The following PRKAR2B variants were observed in gnomAD, a reference collection of about 807,000 sequenced individuals.
PRKAR2B encodes protein kinase cAMP-dependent type II regulatory subunit beta.
PRKAR2B carries 14 observed loss-of-function variants against 49.9 expected under a neutral mutation model. That is an observed-to-expected ratio of 0.28 (90% CI 0.19 to 0.44). PRKAR2B has a LOEUF of 0.44. Among genes scored for constraint, PRKAR2B ranks in the 20% least tolerant of loss-of-function variants. The pLI is 1.00. For missense variants in PRKAR2B, 393 were observed against 537.9 expected (o/e 0.73, Z 2.67); for synonymous variants, 196 against 197.7 (o/e 0.99, Z 0.07).
intron 1 of PRKAR2B, among the ~76,000 whole-genome samples, chr7:107,060,559 A>T (rs1035121312): frequency 1.3e-5 from 2 of 151,958 alleles, no homozygotes; most frequent in African/African-American, 4.8e-5. Context: ...CATTTTTCCC[A>T]TCTGGCTGAT....
At chr7:107,072,400 C>G (rs1381713161) in intron 2 of PRKAR2B, among the ~76,000 whole-genome samples, 2 of 152,030 alleles carry the variant, frequency 1.3e-5, no homozygotes, top group Admixed American at 1.3e-4. Flanking sequence ...TATGGAGTAC[C>G]ACTGATGGAT....
chr7:107,114,101 T>G (rs1038864156), intron 2 of PRKAR2B, among the ~76,000 whole-genome samples: 1 of 152,186 alleles, frequency 6.6e-6, no homozygotes, highest in Non-Finnish European at 1.5e-5. Flanking sequence ...GAATGCATAC[T>G]TGTAGAGCAT....
intron 2 of PRKAR2B, among the ~76,000 whole-genome samples, chr7:107,109,225 G>C (rs1332943717): frequency 6.6e-6 from 1 of 151,860 alleles, no homozygotes; most frequent in Non-Finnish European, 1.5e-5. Flanking sequence ...GGTTTGGGCT[G>C]GTCTCTTTAC....
At chr7:107,146,216 G>C in intron 5 of PRKAR2B, 92 bp from the exon 6 acceptor site, 1 of 1,314,148 alleles carries the variant, frequency 7.6e-7, no homozygotes, top group Non-Finnish European at 1.0e-6. Context: ...CTGGAAATAA[G>C]ATTTTTATTT....
intron 7 of PRKAR2B, among the ~76,000 whole-genome samples, chr7:107,152,481 T>C (rs565878609): frequency 1.3e-5 from 2 of 152,318 alleles, no homozygotes; most frequent in Admixed American, 1.3e-4. Context: ...TAGGTTTTTA[T>C]CTTTGAAGGT....
At chr7:107,071,156 C>CT (rs1387938346) in intron 2 of PRKAR2B, among the ~76,000 whole-genome samples, 1 of 152,138 alleles carries the variant, frequency 6.6e-6, no homozygotes, top group African/African-American at 2.4e-5. Flanking sequence ...GAAAATTACT[C>CT]TTTAAGTATA....
At chr7:107,113,438 A>G (rs957328579) in intron 2 of PRKAR2B, among the ~76,000 whole-genome samples, 1 of 152,202 alleles carries the variant, frequency 6.6e-6, no homozygotes, top group African/African-American at 2.4e-5. Context: ...ATGTTCATCA[A>G]CTGCAATGCT....
chr7:107,068,087 A>G (rs1441014731), intron 1 of PRKAR2B, among the ~76,000 whole-genome samples: 4 of 152,182 alleles, frequency 2.6e-5, no homozygotes, highest in Non-Finnish European at 4.4e-5. Context: ...TACCGTGACA[A>G]TCAAAATTGC....
intron 2 of PRKAR2B, among the ~76,000 whole-genome samples, chr7:107,111,776 C>G (rs1362756179): frequency 6.6e-6 from 1 of 151,840 alleles, no homozygotes; most frequent in Admixed American, 6.6e-5. Flanking sequence ...TGAAGAATTT[C>G]AAGACTTTTA....
At chr7:107,096,959 T>C (rs1418989233) in intron 2 of PRKAR2B, among the ~76,000 whole-genome samples, 1 of 152,224 alleles carries the variant, frequency 6.6e-6, no homozygotes, top group Non-Finnish European at 1.5e-5. Context: ...TTAAGTGTGA[T>C]GTGGTGCTGA....
At chr7:107,119,603 C>T (rs2237653) in intron 2 of PRKAR2B, among the ~76,000 whole-genome samples, 18,271 of 152,202 alleles carry the variant, frequency 0.12, 1,297 homozygotes, top group African/African-American at 0.19. Flanking sequence ...GTCCCAGACA[C>T]ATTGGCAGGG....
chr7:107,045,573 C>T (rs913272487), intron 1 of PRKAR2B, among the ~76,000 whole-genome samples: 1 of 152,164 alleles, frequency 6.6e-6, no homozygotes, highest in African/African-American at 2.4e-5. Flanking sequence ...TACCATTGTG[C>T]ATAAAGAAAC....
At chr7:107,154,109 G>A (rs1231607145) in intron 8 of PRKAR2B, among the ~76,000 whole-genome samples, 2 of 152,118 alleles carry the variant, frequency 1.3e-5, no homozygotes, top group African/African-American at 2.4e-5. Flanking sequence ...TGTTAGAGCA[G>A]TCAGGGATTG....
intron 1 of PRKAR2B, 161 bp from the exon 2 acceptor site, chr7:107,070,120 G>T: frequency 2.0e-6 from 1 of 493,406 alleles, no homozygotes; most frequent in Non-Finnish European, 3.6e-6. Context: ...GATTATTAAT[G>T]AATTTCAGCA....
intron 2 of PRKAR2B, among the ~76,000 whole-genome samples, chr7:107,116,901 GTGTGTGTATATATATGTGTATATGTA>G (rs1253309970): frequency 2.0e-5 from 3 of 149,522 alleles, no homozygotes; most frequent in Non-Finnish European, 4.4e-5. Flanking sequence ...ATATATGTGT[GTGTGTGTATATATATGTGTATATGTA>G]TGTGTGTATA....
At position 107,126,848 on chromosome 7, in the gene PRKAR2B, G is replaced by A. The variant is rs183599934; in HGVS notation, c.397-1364G>A. On this transcript the variant is annotated intron_variant, in intron 3 of 10. Transcript: ENST00000265717. ...CCTGGGATCTACTTTGTCTGTGTTT[G>A]TGTGTCATCTTAGAATCTAGTTTGA... Among the ~76,000 whole-genome samples, 321 of 152,260 alleles carry A rather than the reference G, an allele frequency of 2.1e-3. 2 individuals carry two copies. The highest frequency in any genetic ancestry group is 7.3e-3 in the African/African-American group (304 of 41,546).
At chr7:107,098,607 T>A (rs1794897323) in intron 2 of PRKAR2B, among the ~76,000 whole-genome samples, 1 of 152,214 alleles carries the variant, frequency 6.6e-6, no homozygotes, top group Non-Finnish European at 1.5e-5. Context: ...ATTTTTAGAA[T>A]CGTTAGCTTT....
At chr7:107,073,827 G>A (rs976338760) in intron 2 of PRKAR2B, among the ~76,000 whole-genome samples, 1 of 152,178 alleles carries the variant, frequency 6.6e-6, no homozygotes. Flanking sequence ...TTGGGAGGCC[G>A]TGGTGGGCGG....
At chr7:107,122,435 G>A (rs544266235) in intron 3 of PRKAR2B, among the ~76,000 whole-genome samples, 124 of 152,216 alleles carry the variant, frequency 8.1e-4, no homozygotes, top group Non-Finnish European at 9.3e-4. Flanking sequence ...AAATCTGTGA[G>A]TCTTCATAGT....
Sources: gnomAD v4.1 joint callset for allele counts (sites outside exome capture counted in the v4.1 genomes callset) on GRCh38, gnomAD v4.1.1 for gene constraint, MANE v1.5 for transcripts, NCBI Gene and HGNC (gene_info 2026-07-23, HGNC 2026-07-21) for gene names.